Variants in CNTN5 observed in about 807,000 individuals in gnomAD.
CNTN5 encodes the protein contactin-5.
CNTN5 carries 77 observed loss-of-function variants against 129.1 expected under a neutral mutation model. The observed-to-expected ratio is 0.60, with a 90% CI of 0.50 to 0.72. CNTN5 has a LOEUF of 0.72. Among genes scored for constraint, CNTN5 ranks in the 30% least tolerant of loss-of-function variants. CNTN5 has a pLI of 0.00. For synonymous variants in CNTN5, 509 were observed against 465.6 expected (o/e 1.09, Z -1.20); for missense variants, 1,478 against 1,328.8 (o/e 1.11, Z -1.75).
At chr11:99,969,753 C>A (rs1045112686) in intron 8 of CNTN5, among the ~76,000 whole-genome samples, 1 of 152,068 alleles carries the variant, frequency 6.6e-6, no homozygotes, top group Non-Finnish European at 1.5e-5. Context: ...CTCAATCTAC[C>A]CCCAAATCAG....
chr11:99,193,328 G>A (rs922810430), intron 1 of CNTN5, among the ~76,000 whole-genome samples: 2 of 152,158 alleles, frequency 1.3e-5, no homozygotes, highest in African/African-American at 4.8e-5. Flanking sequence ...CAAGAATGGA[G>A]AGTCGAAGTT....
At chr11:99,608,063 C>A (rs1338481759) in intron 3 of CNTN5, among the ~76,000 whole-genome samples, 1 of 137,232 alleles carries the variant, frequency 7.3e-6, no homozygotes, top group Non-Finnish European at 1.5e-5. Context: ...AACTAACCTG[C>A]ACAATGTGCA....
At chr11:100,071,438 C>G (rs888845279) in intron 11 of CNTN5, among the ~76,000 whole-genome samples, 3 of 152,086 alleles carry the variant, frequency 2.0e-5, no homozygotes, top group African/African-American at 7.2e-5. Context: ...AAAAAAGACA[C>G]CTCACTTTAA....
chr11:99,142,028 G>C (rs1859538928), intron 1 of CNTN5, among the ~76,000 whole-genome samples: 1 of 152,132 alleles, frequency 6.6e-6, no homozygotes, highest in South Asian at 2.1e-4. Context: ...GTCTGACTGT[G>C]CTATAATTGG....
chr11:99,328,170 C>T (rs1165309127), intron 2 of CNTN5, among the ~76,000 whole-genome samples: 4 of 152,228 alleles, frequency 2.6e-5, no homozygotes, highest in East Asian at 1.9e-4. Context: ...ATATCGTTTG[C>T]GACATAAGTA....
intron 1 of CNTN5, among the ~76,000 whole-genome samples, chr11:99,250,302 G>A (rs966780275): frequency 2.6e-5 from 4 of 151,900 alleles, no homozygotes; most frequent in African/African-American, 9.7e-5. Flanking sequence ...TTCCTTTAAT[G>A]TTGGAATCAT....
intron 13 of CNTN5, among the ~76,000 whole-genome samples, chr11:100,085,606 T>C (rs78073766): frequency 0.093 from 14,069 of 152,094 alleles, 814 homozygotes; most frequent in East Asian, 0.18. Flanking sequence ...TAAACTAAGG[T>C]AATAATAAAA....
At chr11:100,323,598 T>G (rs1324066470) in intron 21 of CNTN5, among the ~76,000 whole-genome samples, 2 of 151,900 alleles carry the variant, frequency 1.3e-5, no homozygotes, top group African/African-American at 4.8e-5. Flanking sequence ...GTAAGATCTG[T>G]GGGATATTTT....
At chr11:100,191,903 C>T (rs1214040845) in intron 14 of CNTN5, among the ~76,000 whole-genome samples, 2 of 151,872 alleles carry the variant, frequency 1.3e-5, no homozygotes, top group Non-Finnish European at 2.9e-5. Context: ...CTTAGGCAGT[C>T]CCTTCAGATG....
At chr11:99,665,304 C>T (rs551672477) in intron 3 of CNTN5, among the ~76,000 whole-genome samples, 1 of 151,882 alleles carries the variant, frequency 6.6e-6, no homozygotes, top group East Asian at 1.9e-4. Flanking sequence ...AGAGCATCTA[C>T]ATATTTAAGG....
chr11:99,409,384 C>T (rs998913037), intron 2 of CNTN5, among the ~76,000 whole-genome samples: 1 of 152,132 alleles, frequency 6.6e-6, no homozygotes, highest in Non-Finnish European at 1.5e-5. Context: ...AGGAGAATGG[C>T]GTGAACCCGG....
At chr11:100,234,942 A>C (rs1442274689) in intron 16 of CNTN5, among the ~76,000 whole-genome samples, 1 of 152,064 alleles carries the variant, frequency 6.6e-6, no homozygotes, top group Non-Finnish European at 1.5e-5. Flanking sequence ...TTCTGGGGCA[A>C]AACCAAAACT....
chr11:99,568,489 A>C (rs578146041), intron 3 of CNTN5, among the ~76,000 whole-genome samples: 1 of 152,310 alleles, frequency 6.6e-6, no homozygotes, highest in East Asian at 1.9e-4. Context: ...AACTGCCTCT[A>C]TGCAGTCATT....
intron 15 of CNTN5, among the ~76,000 whole-genome samples, chr11:100,204,037 G>A (rs925604315): frequency 6.6e-6 from 1 of 151,394 alleles, no homozygotes; most frequent in Non-Finnish European, 1.5e-5. Flanking sequence ...TCCTTTCCCA[G>A]TGCTTCCATT....
chr11:99,724,991 GC>G (rs1390060060), intron 3 of CNTN5, among the ~76,000 whole-genome samples: 1 of 152,188 alleles, frequency 6.6e-6, no homozygotes, highest in Admixed American at 6.5e-5. Flanking sequence ...TCTAAACTTT[GC>G]TTTTGAGATT....
At chr11:99,486,121 G>T (rs1380670000) in intron 2 of CNTN5, among the ~76,000 whole-genome samples, 2 of 151,676 alleles carry the variant, frequency 1.3e-5, no homozygotes, top group African/African-American at 4.8e-5. Flanking sequence ...TAATTTATTT[G>T]GTCTTTTCTG....
intron 3 of CNTN5, among the ~76,000 whole-genome samples, chr11:99,644,845 G>A (rs567910500): frequency 1.3e-5 from 2 of 152,034 alleles, no homozygotes; most frequent in South Asian, 4.1e-4. Flanking sequence ...CCTTTTAAAA[G>A]ACATTTTCTT....
chr11:100,234,339 G>A (rs190338864), intron 16 of CNTN5, among the ~76,000 whole-genome samples: 1 of 152,264 alleles, frequency 6.6e-6, no homozygotes, highest in Admixed American at 6.5e-5. Flanking sequence ...AAAGACACAT[G>A]CACATGTATG....
chr11:99,594,760 G>T (rs1226223440), intron 3 of CNTN5, among the ~76,000 whole-genome samples: 1 of 152,192 alleles, frequency 6.6e-6, no homozygotes, highest in Non-Finnish European at 1.5e-5. Context: ...GTACAACCCT[G>T]TAAGTGGTAG....
Sources: gnomAD v4.1 joint callset for allele counts (sites outside exome capture counted in the v4.1 genomes callset) on GRCh38, gnomAD v4.1.1 for gene constraint, MANE v1.5 for transcripts, NCBI Gene and HGNC (gene_info 2026-07-23, HGNC 2026-07-21) for gene names.